The following TSNARE1 variants were observed in gnomAD, a reference collection of about 807,000 sequenced individuals.
TSNARE1 encodes t-SNARE domain containing 1, also known as t-SNARE domain-containing protein 1.
In TSNARE1, 49 loss-of-function variants were observed where a neutral mutation model predicts 62.0. The observed-to-expected ratio is 0.79, with a 90% CI of 0.63 to 1.00. The LOEUF is 1.00. TSNARE1 is among the 50% of genes least tolerant of loss of function. TSNARE1 has a pLI of 0.00. For synonymous variants in TSNARE1, 328 were observed against 294.4 expected (o/e 1.11, Z -1.17); for missense variants, 755 against 700.1 (o/e 1.08, Z -0.88).
chr8:142,347,947 C>T (rs543247084), intron 2 of TSNARE1, among the ~76,000 whole-genome samples: 19 of 152,354 alleles, frequency 1.2e-4, no homozygotes, highest in Non-Finnish European at 2.2e-4. Flanking sequence ...ACTGCACCAA[C>T]GTTATTCCAC....
At chr8:142,275,237 CT>C in intron 11 of TSNARE1, 2 of 985,446 alleles carry the variant, frequency 2.0e-6, no homozygotes, top group Non-Finnish European at 2.4e-6. Flanking sequence ...CCACGGCCCC[CT>C]CTGAAGGGGC....
At chr8:142,285,652 A>G (rs555152450) in intron 10 of TSNARE1, among the ~76,000 whole-genome samples, 5 of 152,190 alleles carry the variant, frequency 3.3e-5, no homozygotes, top group Admixed American at 2.6e-4. Context: ...GGCTAAGTGG[A>G]TGGTTGCTCC....
At chr8:142,394,541 C>T (rs1395878782) in intron 1 of TSNARE1, among the ~76,000 whole-genome samples, 1 of 152,206 alleles carries the variant, frequency 6.6e-6, no homozygotes, top group Non-Finnish European at 1.5e-5. Flanking sequence ...CCTGGAAGTG[C>T]CCCACAGTCC....
At chr8:142,214,878 C>T (rs1048503300) in intron 13 of TSNARE1, among the ~76,000 whole-genome samples, 10 of 152,192 alleles carry the variant, frequency 6.6e-5, no homozygotes. Flanking sequence ...TCTGGGACTT[C>T]CAGCCTCCAG....
intron 7 of TSNARE1, among the ~76,000 whole-genome samples, chr8:142,316,348 G>A (rs1307769700): frequency 6.6e-6 from 1 of 151,716 alleles, no homozygotes; most frequent in Non-Finnish European, 1.5e-5. Flanking sequence ...GCATGGAAAG[G>A]CTCCAGGCCG....
chr8:142,330,815 G>T, intron 6 of TSNARE1, 86 bp downstream of exon 6: 2 of 1,380,374 alleles, frequency 1.4e-6, no homozygotes, highest in Non-Finnish European at 2.1e-6. Flanking sequence ...GACAAAGCCC[G>T]TGTGCACAGG....
intron 11 of TSNARE1, chr8:142,280,032 G>A (rs1292004512): frequency 3.3e-6 from 4 of 1,226,574 alleles, no homozygotes; most frequent in South Asian, 2.9e-5. Flanking sequence ...GGTCCCCCAG[G>A]TCGCGGCGGC....
chr8:142,340,766 C>T (rs1398613277), intron 4 of TSNARE1, among the ~76,000 whole-genome samples: 1 of 152,238 alleles, frequency 6.6e-6, no homozygotes, highest in African/African-American at 2.4e-5. Flanking sequence ...ACCTCTCTAG[C>T]CCTTTGCCTC....
intron 12 of TSNARE1, among the ~76,000 whole-genome samples, chr8:142,235,180 C>T (rs986922666): frequency 1.3e-5 from 2 of 151,252 alleles, no homozygotes; most frequent in South Asian, 4.2e-4. Context: ...CAGAGAAGGA[C>T]GTGACTCACC....
rs368709248 is a variant in TSNARE1 at position 142,305,618 on chromosome 8, C to T, written c.1132-4974G>A. Among the ~76,000 whole-genome samples the T allele has an allele frequency of 9.2e-5, 14 of 152,296 alleles. No individual in the cohort carries two copies. The East Asian group carries it at 9.7e-4, about 11-fold the overall frequency. On this transcript the variant is annotated intron_variant, in intron 9 of 13. Transcript: ENST00000524325. Reference sequence around the variant, plus strand: ...CCAGGGGAGGAAGAGATGGCTTAGACGCCCGGGTCCCTCCGCGGCCTCCTC... The same window carrying T: ...CCAGGGGAGGAAGAGATGGCTTAGATGCCCGGGTCCCTCCGCGGCCTCCTC...
At chr8:142,358,748 C>A (rs1346079222) in intron 1 of TSNARE1, among the ~76,000 whole-genome samples, 1 of 152,206 alleles carries the variant, frequency 6.6e-6, no homozygotes, top group African/African-American at 2.4e-5. Context: ...CCACTCTGGG[C>A]CCCTGGGGAC....
intron 4 of TSNARE1, among the ~76,000 whole-genome samples, chr8:142,337,703 C>T (rs1047386350): frequency 2.0e-5 from 3 of 152,324 alleles, no homozygotes; most frequent in Admixed American, 2.0e-4. Flanking sequence ...GGCACTCCTG[C>T]GACACCGCAG....
intron 13 of TSNARE1, among the ~76,000 whole-genome samples, chr8:142,222,031 A>G (rs1816289131): frequency 6.7e-6 from 1 of 149,052 alleles, no homozygotes; most frequent in African/African-American, 2.5e-5. Flanking sequence ...TCATCCACTC[A>G]CTCATCCACT....
intron 12 of TSNARE1, chr8:142,274,165 G>A: frequency 4.1e-6 from 4 of 985,402 alleles, no homozygotes; most frequent in Non-Finnish European, 4.8e-6. Context: ...GGCCAGTGGG[G>A]AGCACCAGGC....
At chr8:142,217,970 C>G (rs868720910) in intron 13 of TSNARE1, among the ~76,000 whole-genome samples, 4 of 64,384 alleles carry the variant, frequency 6.2e-5, no homozygotes, top group African/African-American at 1.6e-4. Flanking sequence ...CAGTGTGTGA[C>G]CAGGATCAGG....
chr8:142,251,757 C>T (rs949673515), intron 12 of TSNARE1, among the ~76,000 whole-genome samples: 5 of 149,472 alleles, frequency 3.3e-5, no homozygotes, highest in African/African-American at 7.4e-5. Context: ...CTGCAGGGCC[C>T]GGGCACCATG....
intron 6 of TSNARE1, among the ~76,000 whole-genome samples, chr8:142,322,730 C>T (rs1161553359): frequency 4.0e-5 from 6 of 150,472 alleles, no homozygotes; most frequent in East Asian, 2.0e-4. Flanking sequence ...GTGGGCTGGG[C>T]GACGATGTTG....
intron 7 of TSNARE1, among the ~76,000 whole-genome samples, chr8:142,316,614 A>G (rs1463419464): frequency 6.6e-6 from 1 of 151,666 alleles, no homozygotes; most frequent in Non-Finnish European, 1.5e-5. Context: ...CATGCCCATC[A>G]CCCCAGAAAG....
chr8:142,307,214 A>G (rs1826842672), intron 9 of TSNARE1, among the ~76,000 whole-genome samples: 2 of 152,024 alleles, frequency 1.3e-5, no homozygotes, highest in South Asian at 4.2e-4. Context: ...GTTATGTCCG[A>G]GACATCACCA....
Sources: gnomAD v4.1 joint callset for allele counts (sites outside exome capture counted in the v4.1 genomes callset) on GRCh38, gnomAD v4.1.1 for gene constraint, MANE v1.5 for transcripts, NCBI Gene and HGNC (gene_info 2026-07-23, HGNC 2026-07-21) for gene names.